Variants in RPS6KA5 observed in about 807,000 individuals in gnomAD.
The protein encoded by RPS6KA5 is ribosomal protein S6 kinase alpha-5.
RPS6KA5 carries 27 observed loss-of-function variants against 85.5 expected under a neutral mutation model. The ratio of observed to expected loss-of-function variants is 0.32; its 90% confidence interval spans 0.23 to 0.44. RPS6KA5 has a LOEUF of 0.44. RPS6KA5 is among the 20% of genes least tolerant of loss of function. The pLI is 1.00. For synonymous variants in RPS6KA5, 334 were observed against 348.2 expected (o/e 0.96, Z 0.46); for missense variants, 811 against 980.9 (o/e 0.83, Z 2.31).
chr14:90,895,703 T>C (rs188023958), intron 12 of RPS6KA5, among the ~76,000 whole-genome samples: 3 of 152,164 alleles, frequency 2.0e-5, no homozygotes, highest in Admixed American at 2.0e-4. Context: ...CTAGGCAACA[T>C]AGTGAGACCT....
At position 90,983,787 on chromosome 14, in the gene RPS6KA5, T is replaced by TTCTCTCTCTC. The variant is rs770148887; in HGVS notation, c.176-5273_176-5264dup. Among the ~76,000 whole-genome samples, 82 of 129,398 alleles carry TTCTCTCTCTC rather than the reference T, an allele frequency of 6.3e-4. No homozygotes were observed. In the South Asian group the frequency reaches 7.1e-3, roughly 11 times the overall value. 84.9% of individuals were successfully genotyped at this position (129,398 alleles called of 152,430 possible). A position where few individuals can be genotyped will look rare whatever the true frequency, so the allele number is the denominator to read the frequency against. On this transcript the variant is annotated intron_variant, in intron 2 of 16. Transcript: ENST00000614987. Reference sequence around the variant, plus strand: ...TTCTTTCTTTCCTTTCTTTCTTTCTTTCTCTCTCTCTCTCTCTCTCTCTCT... The same window carrying TTCTCTCTCTC: ...TTCTTTCTTTCCTTTCTTTCTTTCTTTCTCTCTCTCTCTCTCTCTCTCTCTCTCTCTCTCT...
In RPS6KA5 at chr14:90,873,788, G is replaced by A. The variant is rs774735396; in HGVS notation, c.2004C>T (p.Leu668=). 5 of 1,612,252 alleles carry A rather than the reference G, an allele frequency of 3.1e-6. No homozygotes were observed. The highest frequency in any genetic ancestry group is 4.2e-6 in the Non-Finnish European group (5 of 1,179,404). The change falls in exon 16 of 17, where the codon CTC becomes CTT. Residue 668 remains leucine, a synonymous_variant. Transcript: ENST00000614987. The part of the protein sequence containing the change: ...QEAKDLIQGL[L]TVDPNKRLKM... ...TAAGCCTTTTGTTTGGATCTACTGT[G>A]AGAAGTCCTTTGGGAATAGATATTT...
At position 90,901,435 on chromosome 14, in the gene RPS6KA5, A is replaced by T. The variant is rs140527635; in HGVS notation, c.1120-699T>A. ...AACTGGAAAAATGGCAAGTCTCACT[A>T]AAGTTAGTTTCTAATTTAGCAATTA... On this transcript the variant is annotated intron_variant, in intron 9 of 16. Coordinates refer to ENST00000614987, the MANE Select transcript of RPS6KA5 (RefSeq NM_004755.4). Among the ~76,000 whole-genome samples the T allele has an allele frequency of 1.7e-3, 253 of 152,358 alleles. No individual in the cohort carries two copies. The Middle Eastern group carries it at 0.02, about 12-fold the overall frequency.
chr14:90,900,784 C>T, intron 9 of RPS6KA5, 48 bp from the exon 10 acceptor site: 1 of 1,511,104 alleles, frequency 6.6e-7, no homozygotes, highest in Non-Finnish European at 8.9e-7. Context: ...TGCAGTTTTC[C>T]AGTTTAACAC....
At chr14:90,972,237 A>G (rs1004351033) in intron 3 of RPS6KA5, among the ~76,000 whole-genome samples, 1 of 152,218 alleles carries the variant, frequency 6.6e-6, no homozygotes, top group Non-Finnish European at 1.5e-5. Flanking sequence ...TTTTCCCCCC[A>G]AAACCAGACA....
intron 2 of RPS6KA5, among the ~76,000 whole-genome samples, chr14:90,980,297 C>T (rs2039736948): frequency 6.6e-6 from 1 of 152,242 alleles, no homozygotes; most frequent in African/African-American, 2.4e-5. Flanking sequence ...GTGTTCCTTA[C>T]ATACACATGG....
intron 3 of RPS6KA5, among the ~76,000 whole-genome samples, chr14:90,956,693 G>A (rs1443247387): frequency 2.8e-5 from 4 of 142,840 alleles, no homozygotes; most frequent in African/African-American, 1.0e-4. Flanking sequence ...TATTTTCTTA[G>A]TGGTTGCTCT....
chr14:90,964,668 C>T (rs2038967716), intron 3 of RPS6KA5, among the ~76,000 whole-genome samples: 1 of 152,068 alleles, frequency 6.6e-6, no homozygotes, highest in African/African-American at 2.4e-5. Flanking sequence ...AATCACAGCA[C>T]TTTGGGAGAC....
chr14:90,952,986 G>A (rs2038287290), intron 3 of RPS6KA5, among the ~76,000 whole-genome samples: 1 of 152,136 alleles, frequency 6.6e-6, no homozygotes, highest in Non-Finnish European at 1.5e-5. Context: ...ATGTTTCTCT[G>A]TTTAATCGGC....
rs2032421449 is a variant in RPS6KA5, at chr14:90,859,175, A to G, written c.*12899T>C. ...GAGTAAGAGCAAAACTGAAATGTAC[A>G]AGCCCAACAAAGTCTAAAACCAACC... On this transcript the variant is annotated 3_prime_UTR_variant, in exon 17 of 17. Coordinates refer to ENST00000614987, the MANE Select transcript of RPS6KA5 (RefSeq NM_004755.4). 1 of 152,254 alleles carries G rather than the reference A, an allele frequency of 6.6e-6. No homozygotes were observed. Among genetic ancestry groups the G allele is most frequent in the South Asian group, 2.1e-4 (1 of 4,824 alleles). 9.4% of individuals were successfully genotyped at this position (152,254 alleles called of 1,614,324 possible).
intron 7 of RPS6KA5, among the ~76,000 whole-genome samples, chr14:90,916,661 ATTGT>A (rs2036131773): frequency 8.0e-6 from 1 of 124,880 alleles, no homozygotes; most frequent in Admixed American, 8.6e-5. Flanking sequence ...TAGTTATCAC[ATTGT>A]TTGTAAATTT....
chr14:90,985,805 C>A (rs1442353872), intron 2 of RPS6KA5, among the ~76,000 whole-genome samples: 1 of 152,146 alleles, frequency 6.6e-6, no homozygotes, highest in Non-Finnish European at 1.5e-5. Context: ...ATGCCAGTCA[C>A]TGATACTTGT....
rs1566665252 is a variant in RPS6KA5 at position 90,868,645 on chromosome 14, A to G, written c.*3429T>C. 1 of 152,186 alleles carries G rather than the reference A, an allele frequency of 6.6e-6. No individual in the cohort carries two copies. The highest frequency in any genetic ancestry group is 1.5e-5 in the Non-Finnish European group (1 of 68,026). 9.4% of individuals were successfully genotyped at this position (152,186 alleles called of 1,614,324 possible). A position where few individuals can be genotyped will look rare whatever the true frequency, so the allele number is the denominator to read the frequency against. On this transcript the variant is annotated 3_prime_UTR_variant, in exon 17 of 17. Transcript: ENST00000614987. The stretch of plus-strand genomic sequence containing the variant: ...GGCACATATAGACCCAATAATTTAG[A>G]AATTTTCACCATTATGAGGTACCCT...
In RPS6KA5 at chr14:90,990,075, G is replaced by T. The variant is rs11159984; in HGVS notation, c.175+11013C>A. ...GGAAAAAAAGATGAGCACTACCAATGGGGGGACAAGATAAGGCAGGGCATC... is the reference window on the plus strand; with the variant it reads ...GGAAAAAAAGATGAGCACTACCAATTGGGGGACAAGATAAGGCAGGGCATC... On this transcript the variant is annotated intron_variant, in intron 2 of 16. Coordinates refer to ENST00000614987, the MANE Select transcript of RPS6KA5 (RefSeq NM_004755.4). Among the ~76,000 whole-genome samples the T allele has an allele frequency of 3.3e-3, 497 of 152,196 alleles. 15 individuals carry two copies. In the East Asian group the frequency reaches 0.08, roughly 25 times the overall value.
chr14:90,971,349 C>T (rs1222665712), intron 3 of RPS6KA5, among the ~76,000 whole-genome samples: 2 of 152,132 alleles, frequency 1.3e-5, no homozygotes, highest in Non-Finnish European at 2.9e-5. Context: ...CCTACCATGC[C>T]TATTTATTCA....
intron 1 of RPS6KA5, among the ~76,000 whole-genome samples, chr14:91,054,510 G>A (rs1056404762): frequency 4.0e-5 from 6 of 151,720 alleles, no homozygotes; most frequent in East Asian, 3.9e-4. Context: ...GGTGGCACTC[G>A]CCTGTAATCC....
Position 91,060,595 on chromosome 14 carries a change from G to T in RPS6KA5, c.-161C>A. On this transcript the variant is annotated 5_prime_UTR_variant, in exon 1 of 17. Transcript: ENST00000614987. ...GTCTCTTTCCCGCTCTGGCCGCACG[G>T]CTCGCTCCTCGCCTCCTCCCCCTTC... is the stretch of plus-strand genomic sequence containing the variant. 1.0e-6 allele frequency: 1 copy of T among 1,003,062 alleles called. No individual in the cohort carries two copies. Among genetic ancestry groups the T allele is most frequent in the Non-Finnish European group, 1.3e-6 (1 of 777,862 alleles). 62.1% of individuals were successfully genotyped at this position (1,003,062 alleles called of 1,614,324 possible).
intron 1 of RPS6KA5, among the ~76,000 whole-genome samples, chr14:91,018,558 T>C (rs1595482734): frequency 6.6e-6 from 1 of 152,230 alleles, no homozygotes; most frequent in Non-Finnish European, 1.5e-5. Flanking sequence ...CTGAATCTTC[T>C]GGCTTTCATC....
rs1382292039 is a variant in RPS6KA5, at chr14:90,867,610, G to A, written c.*4464C>T. ...GAAATACACCAGGAAACTTAAGCCT[G>A]ATGAATAACTACTAAGAATCTTGTC... is the stretch of plus-strand genomic sequence containing the variant. On this transcript the variant is annotated 3_prime_UTR_variant, in exon 17 of 17. Coordinates refer to ENST00000614987, the MANE Select transcript of RPS6KA5 (RefSeq NM_004755.4). The A allele has an allele frequency of 6.6e-6, 1 of 152,134 alleles. No homozygotes were observed. The highest frequency in any genetic ancestry group is 2.4e-5 in the African/African-American group (1 of 41,424). The allele number at this position is 152,134 out of a possible 1,614,324, so 9.4% of individuals were successfully genotyped here.
Sources: gnomAD v4.1 joint callset for allele counts (sites outside exome capture counted in the v4.1 genomes callset) on GRCh38, gnomAD v4.1.1 for gene constraint, MANE v1.5 for transcripts, NCBI Gene and HGNC (gene_info 2026-07-23, HGNC 2026-07-21) for gene names.